HYAL4: variants seen among roughly 807,000 people sequenced by gnomAD.
The protein encoded by HYAL4 is hyaluronidase-4.
A neutral mutation model predicts 35.2 loss-of-function variants in HYAL4; 37 were observed. That is an observed-to-expected ratio of 1.05 (90% CI 0.81 to 1.38). The LOEUF (loss-of-function observed/expected upper bound fraction) is 1.38, where lower values mean the gene tolerates loss of function less well. Among genes scored for constraint, HYAL4 ranks in the 40% most tolerant of loss-of-function variants. The pLI is 0.00. For missense variants in HYAL4, 572 were observed against 572.4 expected (o/e 1.00, Z 0.01); for synonymous variants, 198 against 203.2 (o/e 0.97, Z 0.22).
At chr7:123,855,754 G>T (rs932589167) in intron 2 of HYAL4, among the ~76,000 whole-genome samples, 5 of 152,084 alleles carry the variant, frequency 3.3e-5, no homozygotes, top group African/African-American at 4.8e-5. Context: ...TGCCTTGCTT[G>T]GTTGGGGAAG....
At chr7:123,783,533 C>T in the HYAL4 span, among the ~76,000 whole-genome samples, 10,038 of 151,996 alleles carry the variant, frequency 0.066, 412 homozygotes, top group East Asian at 0.11. Flanking sequence ...ATTTCACTGA[C>T]GAGGTCCTAT....
chr7:123,877,224 CA>C lies in HYAL4; in HGVS notation c.*70del, dbSNP rs3214302. ...ATTTAAAGAAGGATGTAACTTATAA[CA>C]TTTTTTTTCTCTTATGAATTCTATT... is the stretch of plus-strand genomic sequence containing the variant. On this transcript the variant is annotated 3_prime_UTR_variant, in exon 5 of 5. Transcript: ENST00000223026. 3.2e-4 allele frequency: 463 copies of C among 1,432,368 alleles called. 4 individuals are homozygous for C. In the East Asian group the frequency reaches 1.0e-2, roughly 31 times the overall value. 88.7% of individuals were successfully genotyped at this position (1,432,368 alleles called of 1,614,324 possible).
At chr7:123,785,045 T>C in the HYAL4 span, among the ~76,000 whole-genome samples, 1 of 152,180 alleles carries the variant, frequency 6.6e-6, no homozygotes. This position sits in a 1 kb window ranked among gnomAD's most constrained non-coding sequence, Gnocchi z 4.5. Context: ...ACTTGTACCA[T>C]AAACAATTAT....
At chr7:123,819,957 C>G in the HYAL4 span, among the ~76,000 whole-genome samples, 1 of 146,964 alleles carries the variant, frequency 6.8e-6, no homozygotes. Context: ...GTGGCGCAAT[C>G]TTGGCACACT....
chr7:123,798,040 C>T, the HYAL4 span, among the ~76,000 whole-genome samples: 1 of 152,138 alleles, frequency 6.6e-6, no homozygotes. Flanking sequence ...CCTTACATTT[C>T]CTAAAGATGT....
the HYAL4 span, among the ~76,000 whole-genome samples, chr7:123,785,726 T>A: frequency 6.6e-6 from 1 of 152,160 alleles, no homozygotes; most frequent in Non-Finnish European, 1.5e-5. The surrounding 1 kb of genome is among the most constrained non-coding windows in gnomAD (Gnocchi z 4.5). Context: ...TTTACTTCCC[T>A]TTTGCTTCTT....
chr7:123,877,164 A>G lies in HYAL4; in HGVS notation c.*9A>G. 6.2e-7 allele frequency: 1 copy of G among 1,607,300 alleles called. No individual in the cohort carries two copies. The highest frequency in any genetic ancestry group is 8.5e-7 in the Non-Finnish European group (1 of 1,175,682). On this transcript the variant is annotated 3_prime_UTR_variant, in exon 5 of 5. Coordinates refer to ENST00000223026, the MANE Select transcript of HYAL4 (RefSeq NM_012269.3). ...GAAGCATTCAGTTGTGAGATAATTGAGTTTAAAGGGAATTGTGTGGCCTCT... is the reference window on the plus strand; with the variant it reads ...GAAGCATTCAGTTGTGAGATAATTGGGTTTAAAGGGAATTGTGTGGCCTCT...
chr7:123,849,738 G>A (rs1477216996), intron 2 of HYAL4, among the ~76,000 whole-genome samples: 1 of 151,998 alleles, frequency 6.6e-6, no homozygotes, highest in East Asian at 1.9e-4. Flanking sequence ...ATGGTGGAGC[G>A]TGCCTGTAGT....
At chr7:123,772,489 A>G in the HYAL4 span, among the ~76,000 whole-genome samples, 3 of 152,214 alleles carry the variant, frequency 2.0e-5, no homozygotes, top group African/African-American at 7.2e-5. Context: ...CTTGTGCACA[A>G]ATAACAGGAT....
chr7:123,803,452 C>A, the HYAL4 span, among the ~76,000 whole-genome samples: 2 of 152,116 alleles, frequency 1.3e-5, no homozygotes, highest in Non-Finnish European at 2.9e-5. Flanking sequence ...GCAAAGTTGC[C>A]TTTTCTTGGT....
intron 2 of HYAL4, among the ~76,000 whole-genome samples, chr7:123,850,666 G>A (rs1806284441): frequency 6.6e-6 from 1 of 152,174 alleles, no homozygotes; most frequent in African/African-American, 2.4e-5. Context: ...AGGCCCAAAT[G>A]CATGAATCCT....
At chr7:123,793,288 A>T in the HYAL4 span, among the ~76,000 whole-genome samples, 1 of 152,328 alleles carries the variant, frequency 6.6e-6, no homozygotes, top group East Asian at 1.9e-4. Flanking sequence ...TTTGCTTAAG[A>T]ACAATTTGAA....
rs2116958858 is a variant in HYAL4, at chr7:123,869,204, G to T, written c.931G>T (p.Glu311Ter). The T allele has an allele frequency of 6.2e-7, 1 of 1,601,778 alleles. No individual in the cohort carries two copies. Among genetic ancestry groups the T allele is most frequent in the East Asian group, 2.2e-5 (1 of 44,640 alleles). The change falls in exon 3 of 5, where the codon GAA (glutamate) becomes TAA (stop). Residue 311 changes from glutamate (E) to a stop codon, truncating the protein, a stop_gained. Transcript: ENST00000223026. LOFTEE classifies it high-confidence loss of function. ...FVYTRLGYRD[E>*]PLFFLSKQDL... ...CTACACAAGGCTAGGGTACAGAGAT[G>T]AACCTTTATTTTTCCTTTCTAAGGT...
upstream of HYAL4, among the ~76,000 whole-genome samples, chr7:123,844,555 C>A (rs1195496756): frequency 6.6e-6 from 1 of 152,200 alleles, no homozygotes; most frequent in East Asian, 1.9e-4. Flanking sequence ...AGAACCACTG[C>A]TCTCTTCAGA....
the HYAL4 span, among the ~76,000 whole-genome samples, chr7:123,788,849 C>G: frequency 1.3e-5 from 2 of 152,160 alleles, no homozygotes; most frequent in African/African-American, 4.8e-5. Context: ...CGTAAAATTC[C>G]TTCATTAAAA....
chr7:123,776,849 G>A, the HYAL4 span, among the ~76,000 whole-genome samples: 3 of 152,152 alleles, frequency 2.0e-5, no homozygotes, highest in African/African-American at 4.8e-5. Flanking sequence ...CTGCAGATTT[G>A]GGATATATTA....
At position 123,856,009 on chromosome 7, in the gene HYAL4, A is replaced by G. The variant is rs957616893; in HGVS notation, c.-52+7851A>G. Among the ~76,000 whole-genome samples, 7 of 151,630 alleles carry G rather than the reference A, an allele frequency of 4.6e-5. No homozygotes were observed. The South Asian group carries it at 1.0e-3, about 23-fold the overall frequency. Reference sequence around the variant, plus strand: ...TTGATTTGGCTATTGATACTTGTGTATGCTTCATGAAGTTCTTGTGCTGTG... The same window carrying G: ...TTGATTTGGCTATTGATACTTGTGTGTGCTTCATGAAGTTCTTGTGCTGTG... On this transcript the variant is annotated intron_variant, in intron 2 of 4. Coordinates refer to ENST00000223026, the MANE Select transcript of HYAL4 (RefSeq NM_012269.3).
upstream of HYAL4, among the ~76,000 whole-genome samples, chr7:123,842,594 T>G (rs1280794273): frequency 6.6e-6 from 1 of 151,832 alleles, no homozygotes; most frequent in African/African-American, 2.4e-5. Flanking sequence ...ATTGACAGTG[T>G]GGTGTTAAAG....
chr7:123,823,937 T>C, the HYAL4 span, among the ~76,000 whole-genome samples: 5 of 152,118 alleles, frequency 3.3e-5, no homozygotes, highest in African/African-American at 1.2e-4. Flanking sequence ...ACCACAGCTC[T>C]TCCTCACTTC....
Sources: gnomAD v4.1 joint callset for allele counts (sites outside exome capture counted in the v4.1 genomes callset) on GRCh38, gnomAD v4.1.1 for gene constraint, Gnocchi (gnomAD v3.1) non-coding constraint, MANE v1.5 for transcripts, NCBI Gene and HGNC (gene_info 2026-07-23, HGNC 2026-07-21) for gene names.